The following CDH12 variants were observed in gnomAD, a reference collection of about 807,000 sequenced individuals.
The protein encoded by CDH12 is cadherin-12.
A neutral mutation model predicts 74.1 loss-of-function variants in CDH12; 41 were observed. The observed-to-expected ratio is 0.55, with a 90% CI of 0.43 to 0.72. The LOEUF is 0.72. Among genes scored for constraint, CDH12 ranks in the 30% least tolerant of loss-of-function variants. CDH12 has a pLI of 0.00. For synonymous variants in CDH12, 399 were observed against 355.0 expected, an observed-to-expected ratio of 1.12 and a Z score of -1.39; for missense variants, 945 against 977.2, an observed-to-expected ratio of 0.97 and a Z score of 0.44.
At chr5:22,339,088 C>G (rs555634625) in intron 3 of CDH12, among the ~76,000 whole-genome samples, 19 of 152,296 alleles carry the variant, frequency 1.2e-4, no homozygotes, top group Admixed American at 1.2e-3. Flanking sequence ...AGAAATCAGC[C>G]AAGCTGCACC....
chr5:22,165,320 G>A (rs1396088668), intron 4 of CDH12, among the ~76,000 whole-genome samples: 2 of 152,148 alleles, frequency 1.3e-5, no homozygotes, highest in African/African-American at 2.4e-5. Context: ...CCTCGTAGAT[G>A]TTCTGTGGAT....
intron 6 of CDH12, among the ~76,000 whole-genome samples, chr5:21,956,907 T>G (rs1756124878): frequency 3.3e-5 from 5 of 152,072 alleles, no homozygotes; most frequent in South Asian, 4.1e-4. Context: ...GGGCTTGCTT[T>G]CTTCTTTTTT....
At chr5:22,077,516 T>C (rs1424564351) in intron 5 of CDH12, among the ~76,000 whole-genome samples, 1 of 152,166 alleles carries the variant, frequency 6.6e-6, no homozygotes, top group African/African-American at 2.4e-5. Flanking sequence ...ATTATGACTT[T>C]GGATTTATTT....
rs537717999 is a variant in CDH12 at position 22,635,110 on chromosome 5, A to G, written c.-522-129746T>C. Among the ~76,000 whole-genome samples the G allele has an allele frequency of 4.6e-5, 7 of 152,298 alleles. No individual in the cohort carries two copies. In the South Asian group the frequency reaches 1.4e-3, roughly 32 times the overall value. On this transcript the variant is annotated intron_variant, in intron 1 of 14. Coordinates refer to ENST00000382254, the MANE Select transcript of CDH12 (RefSeq NM_004061.5). ...AATTTCACAATTTACTTCTTAGTGCAGTAATCAAGACAGCATGGTCTAAGC... is the reference window on the plus strand; with the variant it reads ...AATTTCACAATTTACTTCTTAGTGCGGTAATCAAGACAGCATGGTCTAAGC...
intron 2 of CDH12, among the ~76,000 whole-genome samples, chr5:22,502,059 C>T (rs1483090664): frequency 1.3e-5 from 2 of 152,152 alleles, no homozygotes; most frequent in African/African-American, 4.8e-5. Flanking sequence ...ACACTCTTTG[C>T]ATCCTCATCT....
chr5:21,772,089 C>G (rs1745353060), intron 11 of CDH12, among the ~76,000 whole-genome samples: 1 of 151,522 alleles, frequency 6.6e-6, no homozygotes, highest in Admixed American at 6.6e-5. Flanking sequence ...TTGGAATCCT[C>G]TTGGTTGAGA....
intron 1 of CDH12, among the ~76,000 whole-genome samples, chr5:22,649,565 C>T (rs1468850431): frequency 6.6e-6 from 1 of 151,954 alleles, no homozygotes; most frequent in Non-Finnish European, 1.5e-5. Flanking sequence ...CATAGGATTT[C>T]AAAGATAAGA....
chr5:22,062,952 C>T (rs1369928860), intron 5 of CDH12, among the ~76,000 whole-genome samples: 1 of 151,934 alleles, frequency 6.6e-6, no homozygotes, highest in African/African-American at 2.4e-5. Context: ...ATGAGTTTCT[C>T]AAAAAGCTAC....
intron 3 of CDH12, among the ~76,000 whole-genome samples, chr5:22,257,026 C>T (rs1209800949): frequency 1.3e-5 from 2 of 152,124 alleles, no homozygotes; most frequent in Non-Finnish European, 2.9e-5. Flanking sequence ...TTTGTAGGGA[C>T]ATGGTTGGAA....
intron 3 of CDH12, among the ~76,000 whole-genome samples, chr5:22,301,674 C>T (rs1162158967): frequency 6.6e-6 from 1 of 151,722 alleles, no homozygotes; most frequent in Non-Finnish European, 1.5e-5. Flanking sequence ...CTCTGTCATT[C>T]AGGCTGGAGT....
At chr5:22,599,332 C>G (rs1004261529) in intron 1 of CDH12, among the ~76,000 whole-genome samples, 1 of 152,050 alleles carries the variant, frequency 6.6e-6, no homozygotes. Context: ...GTAAAAAATA[C>G]CAAAGTGACT....
chr5:22,660,949 C>CA (rs1740315739), intron 1 of CDH12, among the ~76,000 whole-genome samples: 1 of 152,010 alleles, frequency 6.6e-6, no homozygotes, highest in Non-Finnish European at 1.5e-5. Context: ...AACCCACAAA[C>CA]AAAAAACAAA....
At chr5:22,270,993 C>G (rs2150400175) in intron 3 of CDH12, among the ~76,000 whole-genome samples, 1 of 152,068 alleles carries the variant, frequency 6.6e-6, no homozygotes, top group East Asian at 1.9e-4. Flanking sequence ...GTTCTTTTGG[C>G]TCTATAATAA....
At chr5:22,752,354 C>T (rs546995785) in intron 1 of CDH12, among the ~76,000 whole-genome samples, 2 of 151,214 alleles carry the variant, frequency 1.3e-5, no homozygotes, top group Non-Finnish European at 2.9e-5. Flanking sequence ...TCAAAGAAGC[C>T]GGAAAGTATG....
chr5:22,475,404 A>G (rs1029040976), intron 2 of CDH12, among the ~76,000 whole-genome samples: 2 of 152,008 alleles, frequency 1.3e-5, no homozygotes, highest in Non-Finnish European at 2.9e-5. Context: ...TGGGTCTGTA[A>G]TTTATATTTT....
chr5:21,768,387 C>A (rs1216306440), intron 11 of CDH12, among the ~76,000 whole-genome samples: 1 of 151,408 alleles, frequency 6.6e-6, no homozygotes, highest in Non-Finnish European at 1.5e-5. Flanking sequence ...GATTTAGAAC[C>A]TATTTCATTA....
At chr5:22,851,434 A>T (rs1737553613) in intron 1 of CDH12, among the ~76,000 whole-genome samples, 1 of 152,120 alleles carries the variant, frequency 6.6e-6, no homozygotes, top group South Asian at 2.1e-4. Flanking sequence ...TTTAATGGGG[A>T]AGGGGATTAA....
chr5:22,639,385 G>C (rs930173856), intron 1 of CDH12, among the ~76,000 whole-genome samples: 1 of 150,696 alleles, frequency 6.6e-6, no homozygotes, highest in South Asian at 2.1e-4. Context: ...AATGTGGCTG[G>C]GCAAGTTTTT....
intron 1 of CDH12, among the ~76,000 whole-genome samples, chr5:22,662,133 T>G (rs2126899282): frequency 6.6e-6 from 1 of 152,172 alleles, no homozygotes; most frequent in South Asian, 2.1e-4. Context: ...TACCAAAAAG[T>G]TCCATTATTG....
Sources: allele counts gnomAD v4.1 joint callset (sites outside exome capture counted in the v4.1 genomes callset), GRCh38; gene constraint gnomAD v4.1.1; transcripts MANE v1.5; gene names NCBI Gene and HGNC (gene_info 2026-07-23, HGNC 2026-07-21).